PLD5: variants seen among roughly 807,000 people sequenced by gnomAD.
PLD5 encodes the protein phospholipase D family member 5, also known as inactive phospholipase D5.
Under a neutral mutation model 61.1 loss-of-function variants are expected in PLD5, and 36 were observed. That is an observed-to-expected ratio of 0.59 (90% CI 0.45 to 0.78). The LOEUF (loss-of-function observed/expected upper bound fraction) is 0.78. PLD5 is among the 30% of genes least tolerant of loss of function. The pLI, the probability that PLD5 is intolerant of heterozygous loss-of-function variation, is 0.00. For missense variants in PLD5, 515 were observed against 644.4 expected, an observed-to-expected ratio of 0.80 and a Z score of 2.17; for synonymous variants, 243 against 242.8, an observed-to-expected ratio of 1.00 and a Z score of -0.01.
chr1:242,204,900 C>T (rs1303294590), intron 5 of PLD5, among the ~76,000 whole-genome samples: 1 of 152,148 alleles, frequency 6.6e-6, no homozygotes, highest in East Asian at 1.9e-4. Context: ...AAGAATAAGG[C>T]TGGCAAAACA....
chr1:242,242,217 G>C (rs1439066018), intron 4 of PLD5, among the ~76,000 whole-genome samples: 2 of 151,836 alleles, frequency 1.3e-5, no homozygotes, highest in Non-Finnish European at 1.5e-5. Flanking sequence ...TAACTTGCGC[G>C]AGGTCCTAGA....
At chr1:242,411,978 G>T (rs1392497297) in intron 1 of PLD5, among the ~76,000 whole-genome samples, 1 of 151,888 alleles carries the variant, frequency 6.6e-6, no homozygotes, top group East Asian at 1.9e-4. Flanking sequence ...GAGACCAATG[G>T]GTACATACTG....
At chr1:242,514,162 T>G (rs1205340509) in intron 1 of PLD5, among the ~76,000 whole-genome samples, 1 of 152,240 alleles carries the variant, frequency 6.6e-6, no homozygotes, top group Non-Finnish European at 1.5e-5. Flanking sequence ...TTCCAAGTCC[T>G]CAAGCCCATT....
chr1:242,371,458 T>A (rs974606346), intron 1 of PLD5, among the ~76,000 whole-genome samples: 4 of 152,126 alleles, frequency 2.6e-5, no homozygotes, highest in African/African-American at 9.7e-5. Flanking sequence ...AACAGAAGCG[T>A]ACTGAATCAT....
At chr1:242,218,430 T>C (rs2149002614) in intron 5 of PLD5, among the ~76,000 whole-genome samples, 1 of 152,330 alleles carries the variant, frequency 6.6e-6, no homozygotes, top group African/African-American at 2.4e-5. Flanking sequence ...ATATCTTTGC[T>C]GTATGTCTAT....
intron 5 of PLD5, among the ~76,000 whole-genome samples, chr1:242,168,747 G>A (rs1331668424): frequency 1.3e-5 from 2 of 151,514 alleles, no homozygotes; most frequent in Non-Finnish European, 2.9e-5. Context: ...TATGAAGTAT[G>A]CGTTTTAAAA....
At chr1:242,378,352 G>A (rs1487165841) in intron 1 of PLD5, among the ~76,000 whole-genome samples, 1 of 152,074 alleles carries the variant, frequency 6.6e-6, no homozygotes, top group Non-Finnish European at 1.5e-5. Context: ...CAGGGGCTAG[G>A]GAAAAAGGAG....
In PLD5 at chr1:242,195,226, C is replaced by T. The variant is rs545236283; in HGVS notation, c.735+24762G>A. 1.4e-3 allele frequency among the ~76,000 whole-genome samples: 206 copies of T among 152,226 alleles called. 1 individual carries two copies. The highest frequency in any genetic ancestry group is 4.5e-3 in the African/African-American group (189 of 41,552). On this transcript the variant is annotated intron_variant, in intron 5 of 9. Transcript: ENST00000536534. ...ACCTAAATGTCCTGCAGGGGCTGGCCGTGGTACAGGACACTGTCCTGGAGA... is the reference window on the plus strand; with the variant it reads ...ACCTAAATGTCCTGCAGGGGCTGGCTGTGGTACAGGACACTGTCCTGGAGA...
At chr1:242,516,021 T>A (rs954399808) in intron 1 of PLD5, among the ~76,000 whole-genome samples, 1 of 152,024 alleles carries the variant, frequency 6.6e-6, no homozygotes, top group African/African-American at 2.4e-5. Context: ...GGTGTATAAT[T>A]TTGTTTGAAT....
At chr1:242,457,053 G>T (rs1258141611) in intron 1 of PLD5, among the ~76,000 whole-genome samples, 3 of 152,098 alleles carry the variant, frequency 2.0e-5, no homozygotes, top group Admixed American at 2.0e-4. Flanking sequence ...TTATCCAGGG[G>T]GTCTCTGGGC....
chr1:242,350,281 A>G (rs193270888), intron 1 of PLD5, among the ~76,000 whole-genome samples: 1 of 152,270 alleles, frequency 6.6e-6, no homozygotes, highest in East Asian at 1.9e-4. Context: ...ACCAAGATAA[A>G]TTAGATAAAT....
At chr1:242,259,373 T>A (rs1327000020) in intron 4 of PLD5, among the ~76,000 whole-genome samples, 1 of 151,980 alleles carries the variant, frequency 6.6e-6, no homozygotes, top group African/African-American at 2.4e-5. Context: ...AGCTTGTAAA[T>A]TGACAAGGGA....
intron 1 of PLD5, among the ~76,000 whole-genome samples, chr1:242,378,433 T>C (rs1662089892): frequency 6.6e-6 from 1 of 152,280 alleles, no homozygotes; most frequent in Middle Eastern, 3.4e-3. Flanking sequence ...TGTGGATGGA[T>C]GGTGGCAATG....
At chr1:242,115,051 A>G (rs12074203) in intron 6 of PLD5, among the ~76,000 whole-genome samples, 11,561 of 151,828 alleles carry the variant, frequency 0.076, 507 homozygotes, top group South Asian at 0.16. Context: ...GGTGGTGTGC[A>G]CCTGTAATCC....
At chr1:242,109,618 T>C (rs1378009934) in intron 7 of PLD5, among the ~76,000 whole-genome samples, 1 of 152,360 alleles carries the variant, frequency 6.6e-6, no homozygotes, top group Admixed American at 6.5e-5. Context: ...CCACCTTACC[T>C]TGAGCTCTTT....
At chr1:242,327,179 T>TA (rs1350902612) in intron 2 of PLD5, among the ~76,000 whole-genome samples, 3 of 145,538 alleles carry the variant, frequency 2.1e-5, no homozygotes, top group Non-Finnish European at 4.4e-5. Flanking sequence ...TTTTTTTTTT[T>TA]AATTGTTTGT....
intron 1 of PLD5, among the ~76,000 whole-genome samples, chr1:242,482,089 T>C (rs972021672): frequency 2.0e-5 from 3 of 152,098 alleles, no homozygotes; most frequent in Non-Finnish European, 4.4e-5. Context: ...CAAAGGTAGA[T>C]AAAACCACAA....
intron 5 of PLD5, among the ~76,000 whole-genome samples, chr1:242,182,880 G>A (rs549001885): frequency 1.3e-5 from 2 of 152,138 alleles, no homozygotes; most frequent in South Asian, 2.1e-4. Flanking sequence ...AAATAAAAAA[G>A]CCAATCATAG....
At position 242,256,744 on chromosome 1, in the gene PLD5, TATC is replaced by T. The variant is rs1318960182; in HGVS notation, c.607+8590_607+8592del. The stretch of plus-strand genomic sequence containing the variant: ...TACAGCAGCACAAATGAACTAAGAC[TATC>T]ATCTATCTATCTATCTATCTATCTA... On this transcript the variant is annotated intron_variant, in intron 4 of 9. Coordinates refer to ENST00000536534, the MANE Select transcript of PLD5 (RefSeq NM_001372062.1). This position sits in a 1 kb window ranked among gnomAD's most constrained non-coding sequence, Gnocchi z 5.7. 7.1e-6 allele frequency among the ~76,000 whole-genome samples: 1 copy of T among 140,574 alleles called. No individual in the cohort carries two copies. Among genetic ancestry groups the T allele is most frequent in the African/African-American group, 2.7e-5 (1 of 36,910 alleles). The allele number at this position is 140,574 out of a possible 152,430, so 92.2% of individuals were successfully genotyped here. A position where few individuals can be genotyped will look rare whatever the true frequency, so the allele number is the denominator to read the frequency against.
Sources: allele counts gnomAD v4.1 joint callset (sites outside exome capture counted in the v4.1 genomes callset), GRCh38; gene constraint gnomAD v4.1.1; non-coding constraint Gnocchi (gnomAD v3.1); transcripts MANE v1.5; gene names NCBI Gene and HGNC (gene_info 2026-07-23, HGNC 2026-07-21).